Variants in OR2F1 observed in about 807,000 individuals in gnomAD.
OR2F1 encodes olfactory receptor 2F1.
For missense variants in OR2F1, 389 were observed against 378.2 expected (o/e 1.03, Z -0.24); for synonymous variants, 146 against 155.3 (o/e 0.94, Z 0.44).
rs1469004322 is a variant in OR2F1, at chr7:143,960,644, T to A, written c.674T>A (p.Ile225Asn). The A allele has an allele frequency of 1.2e-6, 2 of 1,614,078 alleles. No homozygotes were observed. The highest frequency in any genetic ancestry group is 1.7e-5 in the Admixed American group (1 of 60,020). The change falls in exon 3 of 3, where the codon ATC becomes AAC. Residue 225 changes from isoleucine to asparagine, a missense_variant. Physicochemically the swap from Ile to Asn is moderately radical, Grantham distance 149 (BLOSUM62 -3). Coordinates refer to ENST00000641412, the MANE Select transcript of OR2F1 (RefSeq NM_012369.3). ...TCCTACATCCAGATCATCTCCACCATCCTAAAGATCCAGTCCAGAGAAGGA... is the reference window on the plus strand; with the variant it reads ...TCCTACATCCAGATCATCTCCACCAACCTAAAGATCCAGTCCAGAGAAGGA... ...LLSYIQIIST[I>N]LKIQSREGRK...
In OR2F1 at chr7:143,963,400, A is replaced by C. The variant is rs982376703; in HGVS notation, c.*2476A>C. On this transcript the variant is annotated 3_prime_UTR_variant, in exon 3 of 3. Transcript: ENST00000641412. ...AAGTCTTGATATCTCAGGAAGCAGAAATGCTGAGAGTGGGCATTAGGTATG... is the reference window on the plus strand; with the variant it reads ...AAGTCTTGATATCTCAGGAAGCAGACATGCTGAGAGTGGGCATTAGGTATG... 2 of 152,198 alleles carry C rather than the reference A, an allele frequency of 1.3e-5. No individual in the cohort carries two copies. Among genetic ancestry groups the C allele is most frequent in the Non-Finnish European group, 2.9e-5 (2 of 68,044 alleles). 9.4% of individuals were successfully genotyped at this position (152,198 alleles called of 1,614,324 possible).
In OR2F1 at chr7:143,962,594, G is replaced by C. The variant is rs1162239686; in HGVS notation, c.*1670G>C. ...AAATGTAAGAACAAGTTATCCAGAA[G>C]ACAAGAAACCCAAAAAAGAAACAAC... On this transcript the variant is annotated 3_prime_UTR_variant, in exon 3 of 3. Transcript: ENST00000641412. 1 of 152,098 alleles carries C rather than the reference G, an allele frequency of 6.6e-6. No homozygotes were observed. The highest frequency in any genetic ancestry group is 1.5e-5 in the Non-Finnish European group (1 of 68,020). The allele number at this position is 152,098 out of a possible 1,614,324, so 9.4% of individuals were successfully genotyped here. A position where few individuals can be genotyped will look rare whatever the true frequency, so the allele number is the denominator to read the frequency against.
In OR2F1 at chr7:143,960,974, C is replaced by A; in HGVS notation, c.*50C>A. ...CAGCTTTGCCTCAGTGTTCTCCACC[C>A]AGCTGAGATCTGACAGGTGTAAACT... is the stretch of plus-strand genomic sequence containing the variant. On this transcript the variant is annotated 3_prime_UTR_variant, in exon 3 of 3. Coordinates refer to ENST00000641412, the MANE Select transcript of OR2F1 (RefSeq NM_012369.3). The A allele has an allele frequency of 1.4e-6, 2 of 1,404,290 alleles. No homozygotes were observed. The highest frequency in any genetic ancestry group is 9.8e-7 in the Non-Finnish European group (1 of 1,016,942). The allele number at this position is 1,404,290 out of a possible 1,614,324, so 87.0% of individuals were successfully genotyped here.
Position 143,960,284 on chromosome 7 carries a change from T to C in OR2F1, c.314T>C (p.Leu105Pro). ...QSCAAQLFFS[L>P]ALGGIEFVLL... ...TGTGCAGCCCAGTTATTTTTCTCCC[T>C]GGCCTTGGGTGGGATTGAGTTTGTT... Residue 105 changes from leucine to proline, a missense_variant, in exon 3 of 3, where the codon CTG (leucine) becomes CCG (proline). Transcript: ENST00000641412. 6.2e-7 allele frequency: 1 copy of C among 1,614,200 alleles called. No individual in the cohort carries two copies. The highest frequency in any genetic ancestry group is 8.5e-7 in the Non-Finnish European group (1 of 1,180,038).
chr7:143,963,607 T>C lies in OR2F1; in HGVS notation c.*2683T>C, dbSNP rs528595660. ...TGAGGAGCACAGAAGCCAGTTGGAG[T>C]TCCAAAACCTCAAAAGTAGGGAAGC... On this transcript the variant is annotated 3_prime_UTR_variant, in exon 3 of 3. Coordinates refer to ENST00000641412, the MANE Select transcript of OR2F1 (RefSeq NM_012369.3). 4.6e-5 allele frequency: 7 copies of C among 152,816 alleles called. No individual in the cohort carries two copies. In the South Asian group the frequency reaches 1.3e-3, roughly 28 times the overall value. The allele number at this position is 152,816 out of a possible 1,614,324, so 9.5% of individuals were successfully genotyped here.
At chr7:143,959,235 A>G (rs1450547626) in intron 2 of OR2F1, 127 bp downstream of exon 2, 1 of 152,216 alleles carries the variant, frequency 6.6e-6, no homozygotes, top group Non-Finnish European at 1.5e-5. Context: ...CCATGATTCT[A>G]GAGTTGTATT....
intron 1 of OR2F1, among the ~76,000 whole-genome samples, chr7:143,955,972 G>T (rs1350267141): frequency 6.6e-6 from 1 of 152,176 alleles, no homozygotes; most frequent in Non-Finnish European, 1.5e-5. Context: ...TATTAGCTGT[G>T]TTCATTGTCC....
chr7:143,957,425 GT>G (rs2050293285), intron 1 of OR2F1, among the ~76,000 whole-genome samples: 1 of 152,152 alleles, frequency 6.6e-6, no homozygotes, highest in Non-Finnish European at 1.5e-5. Context: ...TAACCTTTAA[GT>G]TTTCAAATTC....
At chr7:143,958,799 GA>G (rs1315236555) in intron 1 of OR2F1, among the ~76,000 whole-genome samples, 153 bp from the exon 2 acceptor site, 1 of 152,096 alleles carries the variant, frequency 6.6e-6, no homozygotes, top group African/African-American at 2.4e-5. Flanking sequence ...GCAAAAGTAA[GA>G]AGGGAATCTC....
At position 143,959,956 on chromosome 7, in the gene OR2F1, T is replaced by A; in HGVS notation, c.-15T>A. On this transcript the variant is annotated 5_prime_UTR_variant, in exon 3 of 3. Coordinates refer to ENST00000641412, the MANE Select transcript of OR2F1 (RefSeq NM_012369.3). ...TCTGACTCCCTTCACAGATTAATAA[T>A]CCTTGAATATTTTAATGGGAACAGA... 1 of 1,562,486 alleles carries A rather than the reference T, an allele frequency of 6.4e-7. No individual in the cohort carries two copies. The highest frequency in any genetic ancestry group is 2.2e-5 in the East Asian group (1 of 44,502).
chr7:143,960,072 G>A lies in OR2F1; in HGVS notation c.102G>A (p.Met34Ile), dbSNP rs764101712. The A allele has an allele frequency of 3.7e-6, 6 of 1,614,020 alleles. No individual in the cohort carries two copies. Among genetic ancestry groups the A allele is most frequent in the East Asian group, 2.2e-5 (1 of 44,894 alleles). The change falls in exon 3 of 3, where the codon ATG (methionine) becomes ATA (isoleucine). Residue 34 changes from methionine to isoleucine, a missense_variant. By Grantham distance (10) the Met-to-Ile change is conservative. Coordinates refer to ENST00000641412, the MANE Select transcript of OR2F1 (RefSeq NM_012369.3). ...CCCTGTTTGTCCTGTTCTTGGTCAT[G>A]TATGTGGTGACCGTGCTGGGGAACT... ...RVSLFVLFLVMYVVTVLGNCL... is the reference protein window; with the variant it reads ...RVSLFVLFLVIYVVTVLGNCL...
chr7:143,960,843 C>T lies in OR2F1; in HGVS notation c.873C>T (p.Ser291=). 5 of 1,614,038 alleles carry T rather than the reference C, an allele frequency of 3.1e-6. No homozygotes were observed. Among genetic ancestry groups the T allele is most frequent in the Non-Finnish European group, 4.2e-6 (5 of 1,179,988 alleles). ...CAATGCTGAACCCCATGATTTACAG[C>T]CTAAGGAATAAAGAGGTGAAGGGGG... ...LTPMLNPMIY[S]LRNKEVKGAW... is the part of the protein sequence containing the mutation. The change falls in exon 3 of 3, where the codon AGC becomes AGT. Residue 291 remains serine (S), a synonymous_variant. Coordinates refer to ENST00000641412, the MANE Select transcript of OR2F1 (RefSeq NM_012369.3).
rs1470726219 is a variant in OR2F1, at chr7:143,961,714, T to C, written c.*790T>C. ...CAATCTCTGAAAAATCTGTAAGCTC[T>C]TTCTCAGAATCTTCAGAAACACACA... On this transcript the variant is annotated 3_prime_UTR_variant, in exon 3 of 3. Coordinates refer to ENST00000641412, the MANE Select transcript of OR2F1 (RefSeq NM_012369.3). 6.6e-6 allele frequency: 1 copy of C among 152,212 alleles called. No homozygotes were observed. Among genetic ancestry groups the C allele is most frequent in the African/African-American group, 2.4e-5 (1 of 41,460 alleles). The allele number at this position is 152,212 out of a possible 1,614,324, so 9.4% of individuals were successfully genotyped here. A position where few individuals can be genotyped will look rare whatever the true frequency, so the allele number is the denominator to read the frequency against.
intron 1 of OR2F1, among the ~76,000 whole-genome samples, chr7:143,955,388 A>T (rs796769848): frequency 8.5e-5 from 13 of 152,292 alleles, no homozygotes; most frequent in African/African-American, 2.9e-4. Context: ...CTGTTATACC[A>T]GTTGATAATG....
rs2050331821 is a variant in OR2F1 at position 143,961,724 on chromosome 7, T to A, written c.*800T>A. ...AAAATCTGTAAGCTCTTTCTCAGAA[T>A]CTTCAGAAACACACAAAAAAGCACA... On this transcript the variant is annotated 3_prime_UTR_variant, in exon 3 of 3. Coordinates refer to ENST00000641412, the MANE Select transcript of OR2F1 (RefSeq NM_012369.3). 1.3e-5 allele frequency: 2 copies of A among 152,200 alleles called. No homozygotes were observed. Among genetic ancestry groups the A allele is most frequent in the African/African-American group, 4.8e-5 (2 of 41,456 alleles). 9.4% of individuals were successfully genotyped at this position (152,200 alleles called of 1,614,324 possible).
In OR2F1 at chr7:143,960,791, T is replaced by A; in HGVS notation, c.821T>A (p.Phe274Tyr). Residue 274 changes from phenylalanine (F) to tyrosine (Y), a missense_variant, in exon 3 of 3, where the codon TTC becomes TAC. Coordinates refer to ENST00000641412, the MANE Select transcript of OR2F1 (RefSeq NM_012369.3). The part of the protein sequence containing the change: ...SSPSVLQEKL[F>Y]SVFYAILTPM... Reference sequence around the variant, plus strand: ...CCCTCTGTCCTTCAGGAGAAGTTGTTCTCTGTCTTTTATGCCATTTTAACA... The same window carrying A: ...CCCTCTGTCCTTCAGGAGAAGTTGTACTCTGTCTTTTATGCCATTTTAACA... The A allele has an allele frequency of 1.2e-6, 2 of 1,614,196 alleles. No individual in the cohort carries two copies. The highest frequency in any genetic ancestry group is 2.2e-5 in the South Asian group (2 of 91,080).
rs2050314211 is a variant in OR2F1, at chr7:143,960,143, C to T, written c.173C>T (p.Pro58Leu). 1.2e-6 allele frequency: 2 copies of T among 1,614,016 alleles called. No homozygotes were observed. The highest frequency in any genetic ancestry group is 3.3e-5 in the Admixed American group (2 of 59,990). The change falls in exon 3 of 3, where the codon CCC becomes CTC. Residue 58 changes from proline (P) to leucine (L), a missense_variant. Pro to Leu is a moderately conservative substitution (Grantham distance 98). Coordinates refer to ENST00000641412, the MANE Select transcript of OR2F1 (RefSeq NM_012369.3). ...LIRLDSRLHT[P>L]MYFFLTNLSL... Reference sequence around the variant, plus strand: ...AGACTGGACAGCCGACTCCACACTCCCATGTATTTCTTTCTCACCAACCTC... The same window carrying T: ...AGACTGGACAGCCGACTCCACACTCTCATGTATTTCTTTCTCACCAACCTC...
intron 1 of OR2F1, among the ~76,000 whole-genome samples, chr7:143,957,728 G>A (rs1285410552): frequency 3.3e-5 from 5 of 152,122 alleles, no homozygotes; most frequent in Non-Finnish European, 7.4e-5. Context: ...AGTAAACAAT[G>A]GACACCTGCC....
chr7:143,959,450 T>TA (rs1372189376), intron 2 of OR2F1, among the ~76,000 whole-genome samples: 1 of 152,220 alleles, frequency 6.6e-6, no homozygotes. Context: ...TGAATCTGCC[T>TA]AATAAAATAA....
Sources: allele counts gnomAD v4.1 joint callset (sites outside exome capture counted in the v4.1 genomes callset), GRCh38; gene constraint gnomAD v4.1.1; transcripts MANE v1.5; gene names NCBI Gene and HGNC (gene_info 2026-07-23, HGNC 2026-07-21).